The following NLRX1 variants were observed in gnomAD, a reference collection of about 807,000 sequenced individuals.
The protein encoded by NLRX1 is NOD-like receptor X1.
Under a neutral mutation model 74.2 loss-of-function variants are expected in NLRX1, and 67 were observed. The ratio of observed to expected loss-of-function variants is 0.90; its 90% CI spans 0.74 to 1.11. The LOEUF (loss-of-function observed/expected upper bound fraction) is 1.11. Ranked by LOEUF, NLRX1 falls within the 50% of genes least tolerant of loss-of-function variation. NLRX1 has a pLI of 0.00. For missense variants in NLRX1, 1,191 were observed against 1,305.4 expected (o/e 0.91, Z 1.35); for synonymous variants, 506 against 559.1 (o/e 0.91, Z 1.34).
rs144040924 is a variant in NLRX1 at position 119,172,937 on chromosome 11, C to G, written c.177C>G (p.Ser59Arg). The G allele has an allele frequency of 6.2e-7, 1 of 1,613,778 alleles. No individual in the cohort carries two copies. The highest frequency in any genetic ancestry group is 2.2e-5 in the East Asian group (1 of 44,844). Reference protein sequence around the residue: ...FIRHHGSSVDSAPPPGRHGRL... With the variant: ...FIRHHGSSVDRAPPPGRHGRL... ...GCCACCACGGAAGCTCGGTAGATAG[C>G]GCTCCCCCACCCGGGAGGCATGGAC... Residue 59 changes from serine (S) to arginine (R), a missense_variant, in exon 4 of 10, where the codon AGC (serine) becomes AGG (arginine). Coordinates refer to ENST00000409109, the MANE Select transcript of NLRX1 (RefSeq NM_001282144.2).
chr11:119,174,340 A>C, intron 5 of NLRX1, 113 bp from the exon 6 acceptor site: 1 of 1,163,478 alleles, frequency 8.6e-7, no homozygotes, highest in Non-Finnish European at 1.2e-6. Context: ...TATAACTGTT[A>C]TCCTCATCAA....
At chr11:119,175,341 G>A (rs952413935) in intron 6 of NLRX1, 67 bp downstream of exon 6, 16 of 1,387,326 alleles carry the variant, frequency 1.2e-5, no homozygotes, top group African/African-American at 1.1e-4. Flanking sequence ...AGCCGCCCAC[G>A]CCCCCACATG....
Position 119,173,311 on chromosome 11 carries a change from A to T in NLRX1, c.230-168A>T. 1.3e-6 allele frequency: 1 copy of T among 798,464 alleles called. No individual in the cohort carries two copies. Among genetic ancestry groups the T allele is most frequent in the Non-Finnish European group, 2.0e-6 (1 of 497,136 alleles). 49.5% of individuals were successfully genotyped at this position (798,464 alleles called of 1,614,324 possible). On this transcript the variant is annotated intron_variant, in intron 4 of 9. Transcript: ENST00000409109. The surrounding 1 kb of genome is among the most constrained non-coding windows in gnomAD (Gnocchi z 4.0). ...CCACTTTCTGACATAGGGGTTCCAG[A>T]CTTTCTGGACAGTCTATATTTTCTC...
intron 6 of NLRX1, 90 bp from the exon 7 acceptor site, chr11:119,179,603 A>T: frequency 9.5e-7 from 1 of 1,048,026 alleles, no homozygotes; most frequent in Non-Finnish European, 1.4e-6. Context: ...ACAGGGCTGG[A>T]GCAGTCATGG....
chr11:119,170,125 A>G (rs986309275), intron 1 of NLRX1, among the ~76,000 whole-genome samples: 5 of 151,220 alleles, frequency 3.3e-5, no homozygotes, highest in Non-Finnish European at 7.4e-5. Context: ...GAATCCGGTG[A>G]GCCTGGGGTA....
chr11:119,171,439 G>C lies in NLRX1; in HGVS notation c.36G>C (p.Trp12Cys). ...GCCACCATTTGCCCAGGGCCTCTTGGGGCTCTGGTTTTAGAAGAGCACTCC... is the reference window on the plus strand; with the variant it reads ...GCCACCATTTGCCCAGGGCCTCTTGCGGCTCTGGTTTTAGAAGAGCACTCC... Reference protein sequence around the residue: ...RWGHHLPRASWGSGFRRALQR... With the variant: ...RWGHHLPRASCGSGFRRALQR... Residue 12 changes from tryptophan to cysteine, a missense_variant, in exon 2 of 10, where the codon TGG becomes TGC. Physicochemically the swap from Trp to Cys is radical, Grantham distance 215 (BLOSUM62 -2). Coordinates refer to ENST00000409109, the MANE Select transcript of NLRX1 (RefSeq NM_001282144.2). 3 of 1,613,938 alleles carry C rather than the reference G, an allele frequency of 1.9e-6. No homozygotes were observed. Among genetic ancestry groups the C allele is most frequent in the Non-Finnish European group, 2.5e-6 (3 of 1,179,920 alleles).
In NLRX1 at chr11:119,176,483, C is replaced by T. The variant is rs539518659; in HGVS notation, c.1671+1209C>T. Among the ~76,000 whole-genome samples the T allele has an allele frequency of 7.2e-5, 11 of 152,144 alleles. No homozygotes were observed. The South Asian group carries it at 1.9e-3, about 26-fold the overall frequency. ...CCTGTAATCCCAGCACTTTGAGAGG[C>T]GAGGCAGGTAGATCACCTGAGGTCA... On this transcript the variant is annotated intron_variant, in intron 6 of 9. Transcript: ENST00000409109.
Position 119,174,656 on chromosome 11 carries a change from G to T in NLRX1, c.1053G>T (p.Val351=). The change falls in exon 6 of 10, where the codon GTG becomes GTT. Residue 351 remains valine, a synonymous_variant. Transcript: ENST00000409109. ...SATPAQRDHL[V]QMLSRNLEGH... ...CACCAGCTCAGCGTGACCACCTGGT[G>T]CAGATGCTCTCCCGGAACCTGGAGG... 1.2e-6 allele frequency: 2 copies of T among 1,614,050 alleles called. No homozygotes were observed. The highest frequency in any genetic ancestry group is 2.2e-5 in the East Asian group (1 of 44,888).
In NLRX1 at chr11:119,174,065, C is replaced by T. The variant is rs764762147; in HGVS notation, c.816C>T (p.Ile272=). 1.9e-5 allele frequency: 31 copies of T among 1,614,034 alleles called. No homozygotes were observed. In the Admixed American group the frequency reaches 2.5e-4, roughly 13 times the overall value. ...AACCGCAGGAACCAGCTGCTATCAT[C>T]GTCAACCTGCTGCGCAAATACATGC... is the stretch of plus-strand genomic sequence containing the variant. ...PEEPQEPAAI[I]VNLLRKYMLP... is the part of the protein sequence containing the mutation. Residue 272 remains isoleucine, a synonymous_variant, in exon 5 of 10, where the codon ATC becomes ATT. Coordinates refer to ENST00000409109, the MANE Select transcript of NLRX1 (RefSeq NM_001282144.2).
At position 119,179,888 on chromosome 11, in the gene NLRX1, T is replaced by C; in HGVS notation, c.1867T>C (p.Phe623Leu). The change falls in exon 7 of 10, where the codon TTC (phenylalanine) becomes CTC (leucine). Residue 623 changes from phenylalanine to leucine, a missense_variant. Phe to Leu is a conservative substitution (Grantham distance 22). Transcript: ENST00000409109. ...CCCTGAGGATGAAGTCTTCGAGCTC[T>C]TCCCCATGTTCATGGGGGGGCTTCT... is the stretch of plus-strand genomic sequence containing the variant. ...EPPEDEVFELFPMFMGGLLSA... is the reference protein window; with the variant it reads ...EPPEDEVFELLPMFMGGLLSA... 1 of 1,612,550 alleles carries C rather than the reference T, an allele frequency of 6.2e-7. No individual in the cohort carries two copies.
At position 119,180,183 on chromosome 11, in the gene NLRX1, GC is replaced by G; in HGVS notation, c.2163del (p.Ser722AlafsTer9). On this transcript the variant is annotated frameshift_variant, in exon 7 of 10. Transcript: ENST00000409109. LOFTEE classifies it high-confidence loss of function. ...VKCTVVAAVL[G>X]SGRHALDEVN... is the part of the protein sequence containing the mutation. ...TGCACAGTGGTGGCAGCTGTGCTGGGCAGCGGAAGGCATGCCCTGGATGAGG... is the reference window on the plus strand; with the variant it reads ...TGCACAGTGGTGGCAGCTGTGCTGGGAGCGGAAGGCATGCCCTGGATGAGG... 1 of 1,613,010 alleles carries G rather than the reference GC, an allele frequency of 6.2e-7. No individual in the cohort carries two copies. Among genetic ancestry groups the G allele is most frequent in the Non-Finnish European group, 8.5e-7 (1 of 1,179,412 alleles).
intron 1 of NLRX1, among the ~76,000 whole-genome samples, chr11:119,170,694 T>C (rs1475036820): frequency 6.6e-6 from 1 of 152,178 alleles, no homozygotes; most frequent in Non-Finnish European, 1.5e-5. Flanking sequence ...TAATTATTAC[T>C]GGAAAATCTA....
intron 6 of NLRX1, among the ~76,000 whole-genome samples, chr11:119,178,992 G>T (rs1948761184): frequency 6.6e-6 from 1 of 152,120 alleles, no homozygotes; most frequent in Non-Finnish European, 1.5e-5. Context: ...GCCTATGGAG[G>T]CTTTGAAGGA....
intron 1 of NLRX1, among the ~76,000 whole-genome samples, chr11:119,170,736 G>A (rs138819471): frequency 8.5e-5 from 13 of 152,300 alleles, no homozygotes; most frequent in Admixed American, 6.5e-4. Flanking sequence ...ATGAACACAG[G>A]ACTCCTATCT....
At position 119,179,767 on chromosome 11, in the gene NLRX1, G is replaced by A. The variant is rs764208147; in HGVS notation, c.1746G>A (p.Met582Ile). The A allele has an allele frequency of 3.7e-6, 6 of 1,614,196 alleles. No individual in the cohort carries two copies. In the Middle Eastern group the frequency reaches 6.6e-4, roughly 178 times the overall value. ...TGGCTCAGGCCATGGTGCTGGAGATGTTTCGAGAGGAGGACTACTACAACG... is the reference window on the plus strand; with the variant it reads ...TGGCTCAGGCCATGGTGCTGGAGATATTTCGAGAGGAGGACTACTACAACG... ...EAVAQAMVLE[M>I]FREEDYYNDD... The change falls in exon 7 of 10, where the codon ATG becomes ATA. Residue 582 changes from methionine (M) to isoleucine (I), a missense_variant. Transcript: ENST00000409109.
chr11:119,183,521 C>G lies in NLRX1; in HGVS notation c.*82C>G. ...GTGGCCTCCTGGCTTGCACTGCTCC[C>G]TCTAGAAAGATTCCTTCAGGTCTGG... On this transcript the variant is annotated 3_prime_UTR_variant, in exon 10 of 10. Transcript: ENST00000409109. The surrounding 1 kb of genome is among the most constrained non-coding windows in gnomAD (Gnocchi z 5.7). 1 of 1,333,690 alleles carries G rather than the reference C, an allele frequency of 7.5e-7. No homozygotes were observed. The highest frequency in any genetic ancestry group is 1.3e-5 in the South Asian group (1 of 77,996). 82.6% of individuals were successfully genotyped at this position (1,333,690 alleles called of 1,614,324 possible).
intron 2 of NLRX1, among the ~76,000 whole-genome samples, chr11:119,172,136 CA>C (rs962468191): frequency 6.6e-6 from 1 of 152,018 alleles, no homozygotes; most frequent in African/African-American, 2.4e-5. Flanking sequence ...GTAAAGGGGA[CA>C]AAAAAATTTT....
chr11:119,179,004 GA>G, intron 6 of NLRX1, among the ~76,000 whole-genome samples: 2 of 152,252 alleles, frequency 1.3e-5, no homozygotes, highest in South Asian at 4.1e-4. Flanking sequence ...TTTGAAGGAG[GA>G]AAAACCTTGG....
chr11:119,181,847 G>A (rs1948844209), intron 8 of NLRX1, among the ~76,000 whole-genome samples: 1 of 152,120 alleles, frequency 6.6e-6, no homozygotes, highest in African/African-American at 2.4e-5. Context: ...CAGGGGAAGA[G>A]GGAAGGAAAG....
Sources: allele counts gnomAD v4.1 joint callset (sites outside exome capture counted in the v4.1 genomes callset), GRCh38; gene constraint gnomAD v4.1.1; non-coding constraint Gnocchi (gnomAD v3.1); transcripts MANE v1.5; gene names NCBI Gene and HGNC (gene_info 2026-07-23, HGNC 2026-07-21).